Variants in AKIRIN2 observed in about 807,000 individuals in gnomAD.
AKIRIN2 encodes the protein akirin 2.
Under a neutral mutation model 29.3 loss-of-function variants are expected in AKIRIN2, and 6 were observed. The observed-to-expected ratio is 0.20, with a 90% confidence interval of 0.11 to 0.40. AKIRIN2 has a LOEUF of 0.40. Ranked by LOEUF, AKIRIN2 falls within the 10% of genes least tolerant of loss-of-function variation. The pLI is 1.00. For synonymous variants in AKIRIN2, 128 were observed against 117.5 expected, an observed-to-expected ratio of 1.09 and a Z score of -0.58; for missense variants, 210 against 276.1, an observed-to-expected ratio of 0.76 and a Z score of 1.70.
intron 3 of AKIRIN2, among the ~76,000 whole-genome samples, chr6:87,677,152 T>A (rs531307678): frequency 6.6e-6 from 1 of 151,470 alleles, no homozygotes; most frequent in East Asian, 1.9e-4. Context: ...AGTTATTGTA[T>A]GTGGTCTATG....
intron 2 of AKIRIN2, 65 bp downstream of exon 2, chr6:87,681,555 C>A: frequency 1.3e-6 from 2 of 1,493,012 alleles, no homozygotes; most frequent in East Asian, 2.4e-5. Flanking sequence ...TGACTAAAGA[C>A]AACTTGGATT....
chr6:87,701,390 C>T, intron 1 of AKIRIN2, 60 bp downstream of exon 1: 1 of 1,512,158 alleles, frequency 6.6e-7, no homozygotes, highest in Non-Finnish European at 8.8e-7. Context: ...CATCCCACAC[C>T]CCAGGACCCC....
intron 1 of AKIRIN2, among the ~76,000 whole-genome samples, chr6:87,690,820 A>G (rs928077658): frequency 3.1e-4 from 47 of 152,114 alleles, no homozygotes; most frequent in African/African-American, 1.1e-3. Flanking sequence ...TAAAAATACA[A>G]AAGTTAAACG....
intron 1 of AKIRIN2, among the ~76,000 whole-genome samples, chr6:87,683,209 A>G (rs1042636437): frequency 2.0e-5 from 3 of 152,228 alleles, no homozygotes; most frequent in Non-Finnish European, 4.4e-5. Context: ...TGTTGTATAA[A>G]AAGACCTGTT....
intron 1 of AKIRIN2, among the ~76,000 whole-genome samples, chr6:87,688,642 C>T (rs1198209055): frequency 6.6e-6 from 1 of 151,836 alleles, no homozygotes; most frequent in African/African-American, 2.4e-5. Context: ...CCTAGTTATC[C>T]GGGAGGCTGA....
chr6:87,695,045 CACA>C (rs1364523942), intron 1 of AKIRIN2, among the ~76,000 whole-genome samples: 1 of 152,126 alleles, frequency 6.6e-6, no homozygotes, highest in Admixed American at 6.5e-5. Flanking sequence ...GGAAATAAAT[CACA>C]ACTTCTTATT....
At chr6:87,684,189 A>C (rs1285274376) in intron 1 of AKIRIN2, among the ~76,000 whole-genome samples, 6 of 152,192 alleles carry the variant, frequency 3.9e-5, no homozygotes, top group Admixed American at 1.3e-4. Context: ...TCTGCTTCAC[A>C]AGTCAACCAA....
chr6:87,675,477 G>C lies in AKIRIN2; in HGVS notation c.*120C>G. 7.0e-7 allele frequency: 1 copy of C among 1,429,884 alleles called. No individual in the cohort carries two copies. Among genetic ancestry groups the C allele is most frequent in the Non-Finnish European group, 9.8e-7 (1 of 1,024,484 alleles). The allele number at this position is 1,429,884 out of a possible 1,614,324, so 88.6% of individuals were successfully genotyped here. On this transcript the variant is annotated 3_prime_UTR_variant, in exon 5 of 5. Coordinates refer to ENST00000257787, the MANE Select transcript of AKIRIN2 (RefSeq NM_018064.4). ...CTGCCTAAGAGTGGTTGCCACTGAC[G>C]AAAGCTTGAAATAACCTGTATTCAC...
chr6:87,677,334 A>G (rs931539151), intron 3 of AKIRIN2, among the ~76,000 whole-genome samples: 4 of 152,208 alleles, frequency 2.6e-5, no homozygotes, highest in Non-Finnish European at 5.9e-5. Flanking sequence ...ATATCTATAT[A>G]AACAGTAAAT....
At chr6:87,696,675 T>G (rs1414008883) in intron 1 of AKIRIN2, among the ~76,000 whole-genome samples, 1 of 112,340 alleles carries the variant, frequency 8.9e-6, no homozygotes, top group Non-Finnish European at 1.8e-5. Context: ...CACTCCAGCC[T>G]GGGGGACAGA....
intron 1 of AKIRIN2, among the ~76,000 whole-genome samples, chr6:87,688,962 C>T (rs1381154397): frequency 1.3e-5 from 2 of 152,188 alleles, no homozygotes; most frequent in African/African-American, 4.8e-5. Context: ...ATAAGTAGCA[C>T]TAGCTATACA....
chr6:87,690,261 T>G (rs1435562165), intron 1 of AKIRIN2, among the ~76,000 whole-genome samples: 1 of 152,022 alleles, frequency 6.6e-6, no homozygotes, highest in Non-Finnish European at 1.5e-5. Context: ...GAACATTTTT[T>G]AAAAAGTGGT....
rs568106806 is a variant in AKIRIN2, at chr6:87,688,483, C to T, written c.236-6720G>A. On this transcript the variant is annotated intron_variant, in intron 1 of 4. Transcript: ENST00000257787. ...AAAAAATGCCAGGCACAGTGGCTCA[C>T]GCCTGTAATCCCAGCACTTTGGGAG... Among the ~76,000 whole-genome samples the T allele has an allele frequency of 6.8e-4, 103 of 152,106 alleles. 1 individual carries two copies. The highest frequency in any genetic ancestry group is 2.4e-3 in the African/African-American group (101 of 41,496).
In AKIRIN2 at chr6:87,687,272, G is replaced by A. The variant is rs138918954; in HGVS notation, c.236-5509C>T. On this transcript the variant is annotated intron_variant, in intron 1 of 4. Transcript: ENST00000257787. ...AAACACACAACTTGGGCAGGGCGTG[G>A]TGGCTCACACCTGTAATCCCAGCAC... Among the ~76,000 whole-genome samples the A allele has an allele frequency of 1.2e-3, 177 of 149,394 alleles. 2 individuals are homozygous for A. The highest frequency in any genetic ancestry group is 4.1e-3 in the African/African-American group (166 of 40,420).
In AKIRIN2 at chr6:87,677,932, C is replaced by G; in HGVS notation, c.415G>C (p.Glu139Gln). The G allele has an allele frequency of 1.9e-6, 3 of 1,613,882 alleles. No individual in the cohort carries two copies. The highest frequency in any genetic ancestry group is 2.5e-6 in the Non-Finnish European group (3 of 1,179,950). The change falls in exon 3 of 5, where the codon GAA becomes CAA. Residue 139 changes from glutamate (E) to glutamine (Q), a missense_variant. Physicochemically the swap from Glu to Gln is conservative, Grantham distance 29 (BLOSUM62 2). Transcript: ENST00000257787. ...SSAASSPLKK[E>Q]QPLFTLRQVG... ...TGCCGTAGAGTAAATAAGGGCTGTT[C>G]TTTTTTTAATGGTGAGGATGCTGCA...
intron 1 of AKIRIN2, among the ~76,000 whole-genome samples, chr6:87,693,132 G>C (rs765822994): frequency 2.0e-5 from 3 of 152,008 alleles, no homozygotes; most frequent in Non-Finnish European, 4.4e-5. Context: ...GGGAGGCTGA[G>C]GCAGGAGAAT....
intron 1 of AKIRIN2, among the ~76,000 whole-genome samples, chr6:87,684,658 TTCAC>T (rs1322744075): frequency 6.6e-6 from 1 of 152,046 alleles, no homozygotes; most frequent in Non-Finnish European, 1.5e-5. Context: ...CTGAACTACT[TTCAC>T]TCAGCAAAAT....
chr6:87,675,294 C>T lies in AKIRIN2; in HGVS notation c.*303G>A, dbSNP rs1393199504. ...TTTTATTTACACAACCAGTGAAGGG[C>T]ATGTTCTAGAATACCAGCTTTAATC... is the stretch of plus-strand genomic sequence containing the variant. On this transcript the variant is annotated 3_prime_UTR_variant, in exon 5 of 5. Coordinates refer to ENST00000257787, the MANE Select transcript of AKIRIN2 (RefSeq NM_018064.4). 10 of 412,096 alleles carry T rather than the reference C, an allele frequency of 2.4e-5. No homozygotes were observed. The highest frequency in any genetic ancestry group is 3.9e-5 in the Non-Finnish European group (9 of 228,442). 25.5% of individuals were successfully genotyped at this position (412,096 alleles called of 1,614,324 possible).
chr6:87,682,235 T>C (rs1054642501), intron 1 of AKIRIN2, among the ~76,000 whole-genome samples: 2 of 152,208 alleles, frequency 1.3e-5, no homozygotes, highest in African/African-American at 2.4e-5. Context: ...GAAGTGATAA[T>C]AGGTCAACAA....
Sources: gnomAD v4.1 joint callset for allele counts (sites outside exome capture counted in the v4.1 genomes callset) on GRCh38, gnomAD v4.1.1 for gene constraint, MANE v1.5 for transcripts, NCBI Gene and HGNC (gene_info 2026-07-23, HGNC 2026-07-21) for gene names.